RTN4: variants seen among roughly 807,000 people sequenced by gnomAD.
RTN4 encodes the protein reticulon 4, also known as reticulon-4.
In RTN4, 32 loss-of-function variants were observed where a neutral mutation model predicts 90.4. That is an observed-to-expected ratio of 0.35 (90% confidence interval 0.27 to 0.48). The LOEUF (loss-of-function observed/expected upper bound fraction) is 0.48. RTN4 is among the 20% of genes least tolerant of loss of function. The pLI, the probability that RTN4 is intolerant of heterozygous loss-of-function variation, is 0.99. For synonymous variants in RTN4, 629 were observed against 552.5 expected (o/e 1.14, Z -1.94); for missense variants, 1,706 against 1,430.2 (o/e 1.19, Z -3.11).
intron 1 of RTN4, chr2:55,049,285 G>A (rs185247179): frequency 2.8e-5 from 13 of 456,960 alleles, no homozygotes; most frequent in South Asian, 8.4e-5. Flanking sequence ...CAGACCCGCA[G>A]CAAAACTGCA....
chr2:55,070,563 A>AAG (rs1553449994), intron 2 of RTN4, among the ~76,000 whole-genome samples: 129 of 148,560 alleles, frequency 8.7e-4, no homozygotes, highest in African/African-American at 3.1e-3. Context: ...AAAAAAAAAA[A>AAG]AAAGAAAGAA....
At chr2:54,989,545 C>A (rs1415819000) in intron 3 of RTN4, among the ~76,000 whole-genome samples, 3 of 152,058 alleles carry the variant, frequency 2.0e-5, no homozygotes, top group Non-Finnish European at 4.4e-5. Context: ...ATAAGAGCAA[C>A]GCTAATAGGT....
At position 55,027,249 on chromosome 2, in the gene RTN4, G is replaced by A. The variant is rs571896785; in HGVS notation, c.850C>T (p.Leu284Phe). ...AACTCTGTTAAATCTCTATCTATGAGTAGAGTTTTTGCCTTCTCTGAGACC... is the reference window on the plus strand; with the variant it reads ...AACTCTGTTAAATCTCTATCTATGAATAGAGTTTTTGCCTTCTCTGAGACC... The part of the protein sequence containing the change: ...KEVSEKAKTL[L>F]IDRDLTEFSE... Residue 284 changes from leucine (L) to phenylalanine (F), a missense_variant, in exon 3 of 9, where the codon CTC (leucine) becomes TTC (phenylalanine). By Grantham distance (22) the Leu-to-Phe change is conservative (BLOSUM62 0). Transcript: ENST00000337526. 1.9e-6 allele frequency: 3 copies of A among 1,613,682 alleles called. No individual in the cohort carries two copies. The highest frequency in any genetic ancestry group is 1.3e-5 in the African/African-American group (1 of 75,000).
At chr2:55,019,618 G>C (rs1298233614) in intron 3 of RTN4, among the ~76,000 whole-genome samples, 1 of 152,134 alleles carries the variant, frequency 6.6e-6, no homozygotes, top group Non-Finnish European at 1.5e-5. Context: ...AAATCCACTA[G>C]GAGGAATGTT....
intron 2 of RTN4, among the ~76,000 whole-genome samples, chr2:55,056,133 A>G (rs1164728349): frequency 6.6e-6 from 1 of 152,074 alleles, no homozygotes; most frequent in Non-Finnish European, 1.5e-5. Flanking sequence ...AAAAATAAAC[A>G]ATTCATAAGT....
chr2:55,092,223 A>AT (rs1158247126), intron 1 of RTN4, among the ~76,000 whole-genome samples: 27 of 137,980 alleles, frequency 2.0e-4, no homozygotes, highest in South Asian at 6.8e-4. Flanking sequence ...GAAGGGAGAG[A>AT]TTTTTTTTTC....
At chr2:55,088,992 G>C (rs1668891002) in intron 1 of RTN4, among the ~76,000 whole-genome samples, 1 of 152,132 alleles carries the variant, frequency 6.6e-6, no homozygotes, top group Non-Finnish European at 1.5e-5. Context: ...GAGTGCAGTG[G>C]CGCGATCTCA....
chr2:55,062,775 C>T (rs1394128056), intron 2 of RTN4, among the ~76,000 whole-genome samples: 1 of 152,156 alleles, frequency 6.6e-6, no homozygotes, highest in Non-Finnish European at 1.5e-5. Context: ...TTATGAATGT[C>T]CTTTATCATT....
intron 6 of RTN4, chr2:54,974,173 C>T (rs1023877430): frequency 1.3e-5 from 4 of 302,522 alleles, no homozygotes; most frequent in African/African-American, 8.8e-5. Flanking sequence ...ATAAAGCCAC[C>T]CTTTATCTGG....
the RTN4 span, among the ~76,000 whole-genome samples, chr2:55,127,255 T>C: frequency 1.3e-5 from 2 of 152,290 alleles, no homozygotes; most frequent in African/African-American, 4.8e-5. Flanking sequence ...GGTGTTCCGC[T>C]GTTCTTCAGA....
At chr2:55,030,267 G>A (rs1424945131) in intron 1 of RTN4, among the ~76,000 whole-genome samples, 4 of 151,438 alleles carry the variant, frequency 2.6e-5, no homozygotes, top group African/African-American at 9.7e-5. Flanking sequence ...CTATATTCCT[G>A]GAATTTTTCT....
intron 3 of RTN4, among the ~76,000 whole-genome samples, chr2:55,009,755 C>A (rs777515783): frequency 9.2e-5 from 14 of 152,122 alleles, no homozygotes; most frequent in Non-Finnish European, 1.9e-4. Context: ...CTGTGAAACA[C>A]AAAAACAGCA....
intron 2 of RTN4, among the ~76,000 whole-genome samples, chr2:55,056,002 GTGTA>G (rs1015759027): frequency 5.6e-4 from 77 of 138,296 alleles, no homozygotes; most frequent in Middle Eastern, 3.8e-3. Context: ...GTGTGTGTGT[GTGTA>G]TATATATATA....
At chr2:54,994,730 G>C (rs1162233433) in intron 3 of RTN4, among the ~76,000 whole-genome samples, 1 of 152,058 alleles carries the variant, frequency 6.6e-6, no homozygotes, top group African/African-American at 2.4e-5. Flanking sequence ...CCAAGAAAAA[G>C]ACATACAAGG....
chr2:55,020,372 A>G (rs1413050885), intron 3 of RTN4, among the ~76,000 whole-genome samples: 3 of 152,108 alleles, frequency 2.0e-5, no homozygotes, highest in African/African-American at 7.2e-5. Flanking sequence ...ATGGAACAGA[A>G]CAGATAACCC....
chr2:55,097,042 A>AT (rs1472180834), intron 1 of RTN4, among the ~76,000 whole-genome samples: 1 of 151,886 alleles, frequency 6.6e-6, no homozygotes, highest in East Asian at 1.9e-4. Flanking sequence ...TTATACTAAG[A>AT]TAGTGATATC....
At chr2:54,982,309 G>C (rs1005473505) in intron 5 of RTN4, among the ~76,000 whole-genome samples, 1 of 151,612 alleles carries the variant, frequency 6.6e-6, no homozygotes, top group African/African-American at 2.4e-5. Flanking sequence ...AGGACTCTCT[G>C]TATTAAGTAT....
chr2:55,132,945 C>G, the RTN4 span, among the ~76,000 whole-genome samples: 5 of 150,578 alleles, frequency 3.3e-5, no homozygotes, highest in African/African-American at 1.2e-4. Context: ...GGTGTGGTGG[C>G]TCACACCTGT....
At chr2:55,049,475 C>G in intron 1 of RTN4, 1 of 497,604 alleles carries the variant, frequency 2.0e-6, no homozygotes. Flanking sequence ...AGAATCCGTA[C>G]GCTGGGCATC....
Sources: allele counts gnomAD v4.1 joint callset (sites outside exome capture counted in the v4.1 genomes callset), GRCh38; gene constraint gnomAD v4.1.1; transcripts MANE v1.5; gene names NCBI Gene and HGNC (gene_info 2026-07-23, HGNC 2026-07-21).